Variants in PRKG1 observed in about 807,000 individuals in gnomAD.
PRKG1 encodes protein kinase cGMP-dependent 1.
PRKG1 carries 35 observed loss-of-function variants against 88.1 expected under a neutral mutation model. That is an observed-to-expected ratio of 0.40 (90% CI 0.30 to 0.53). The LOEUF (loss-of-function observed/expected upper bound fraction) is 0.53. Ranked by LOEUF, PRKG1 falls within the 20% of genes least tolerant of loss-of-function variation. PRKG1 has a pLI of 0.59. For synonymous variants in PRKG1, 303 were observed against 292.5 expected (o/e 1.04, Z -0.37); for missense variants, 540 against 839.8 (o/e 0.64, Z 4.41).
At position 51,402,407 on chromosome 10, in the gene PRKG1, A is replaced by G. The variant is rs79411847; in HGVS notation, c.479-65316A>G. ...CTCACATGTCTGTGGGAAACATGAAAAAGGGTCATTGCATTTACCCTCTGC... is the reference window on the plus strand; with the variant it reads ...CTCACATGTCTGTGGGAAACATGAAGAAGGGTCATTGCATTTACCCTCTGC... On this transcript the variant is annotated intron_variant, in intron 2 of 17. Transcript: ENST00000373980. Among the ~76,000 whole-genome samples the G allele has an allele frequency of 5.3e-5, 8 of 152,310 alleles. No individual in the cohort carries two copies. The East Asian group carries it at 1.4e-3, about 26-fold the overall frequency.
At chr10:51,032,926 G>A (rs575010050) in intron 1 of PRKG1, among the ~76,000 whole-genome samples, 2 of 152,054 alleles carry the variant, frequency 1.3e-5, no homozygotes, top group South Asian at 4.2e-4. Context: ...TTTGATACAG[G>A]TATGCAATGT....
intron 4 of PRKG1, among the ~76,000 whole-genome samples, chr10:51,837,782 A>G (rs1349627328): frequency 6.6e-6 from 1 of 152,174 alleles, no homozygotes; most frequent in African/African-American, 2.4e-5. Context: ...CCATAACCCA[A>G]TGCTTGGGCC....
At chr10:51,154,408 C>A (rs1405855363) in intron 2 of PRKG1, among the ~76,000 whole-genome samples, 1 of 151,846 alleles carries the variant, frequency 6.6e-6, no homozygotes, top group East Asian at 1.9e-4. Flanking sequence ...CTGCCCAGAA[C>A]AAAGATTTAT....
chr10:52,178,428 T>A (rs1838923817), intron 9 of PRKG1, among the ~76,000 whole-genome samples: 1 of 152,134 alleles, frequency 6.6e-6, no homozygotes, highest in Non-Finnish European at 1.5e-5. Flanking sequence ...TCATCTATCC[T>A]GGGGAATGTT....
chr10:51,156,324 C>CACACACACA (rs1564620908), intron 2 of PRKG1, among the ~76,000 whole-genome samples: 2 of 139,670 alleles, frequency 1.4e-5, no homozygotes, highest in Non-Finnish European at 3.3e-5. Context: ...AACACACACA[C>CACACACACA]CCGAATGTAA....
At chr10:51,631,095 A>C (rs1839514422) in intron 3 of PRKG1, among the ~76,000 whole-genome samples, 1 of 152,222 alleles carries the variant, frequency 6.6e-6, no homozygotes. Context: ...TGGAGAATGT[A>C]AATCACCTGT....
At chr10:51,725,490 C>T (rs1244976219) in intron 3 of PRKG1, among the ~76,000 whole-genome samples, 1 of 151,228 alleles carries the variant, frequency 6.6e-6, no homozygotes, top group African/African-American at 2.4e-5. Flanking sequence ...AAATTTGTGG[C>T]CTGTATATGA....
chr10:51,392,815 C>A (rs1257651110), intron 2 of PRKG1, among the ~76,000 whole-genome samples: 2 of 145,688 alleles, frequency 1.4e-5, no homozygotes, highest in Non-Finnish European at 3.1e-5. Flanking sequence ...GGGGGGCTGA[C>A]CCCCCACCTC....
At chr10:52,040,221 A>G (rs1845722473) in intron 5 of PRKG1, among the ~76,000 whole-genome samples, 1 of 152,154 alleles carries the variant, frequency 6.6e-6, no homozygotes, top group Admixed American at 6.5e-5. Flanking sequence ...TATAGGGTTC[A>G]TGAGAAACTG....
At chr10:52,213,733 G>A (rs139818370) in intron 9 of PRKG1, among the ~76,000 whole-genome samples, 1 of 152,214 alleles carries the variant, frequency 6.6e-6, no homozygotes, top group Non-Finnish European at 1.5e-5. Flanking sequence ...AAGAGAGGCA[G>A]TGGCTACTGT....
rs532927376 is a variant in PRKG1 at position 51,342,423 on chromosome 10, A to G, written c.479-125300A>G. On this transcript the variant is annotated intron_variant, in intron 2 of 17. Coordinates refer to ENST00000373980, the MANE Select transcript of PRKG1 (RefSeq NM_006258.4). ...CCACAGAAAGGACAAGATGTGATCA[A>G]ACTTTCTAAGAGACACAGAATTAAA... is the stretch of plus-strand genomic sequence containing the variant. 1.3e-3 allele frequency among the ~76,000 whole-genome samples: 196 copies of G among 152,330 alleles called. 1 individual carries two copies. Among genetic ancestry groups the G allele is most frequent in the African/African-American group, 4.6e-3 (193 of 41,556 alleles).
intron 2 of PRKG1, among the ~76,000 whole-genome samples, chr10:51,273,880 AG>A: frequency 6.6e-6 from 1 of 152,344 alleles, no homozygotes; most frequent in Non-Finnish European, 1.5e-5. Flanking sequence ...TATAAGCATT[AG>A]TTTCCTGAGT....
intron 2 of PRKG1, among the ~76,000 whole-genome samples, chr10:51,425,476 C>T (rs1838550925): frequency 6.6e-6 from 1 of 152,140 alleles, no homozygotes; most frequent in Non-Finnish European, 1.5e-5. Flanking sequence ...AGATTTTCTT[C>T]AGTTTTTTCA....
At chr10:51,791,804 G>A (rs906518569) in intron 3 of PRKG1, among the ~76,000 whole-genome samples, 18 of 152,138 alleles carry the variant, frequency 1.2e-4, no homozygotes, top group Admixed American at 1.3e-4. Flanking sequence ...TTTGAACTGA[G>A]CCTTTAGGGA....
intron 3 of PRKG1, among the ~76,000 whole-genome samples, chr10:51,799,739 C>G (rs1290651479): frequency 2.0e-5 from 3 of 152,024 alleles, no homozygotes; most frequent in African/African-American, 7.2e-5. Flanking sequence ...TAAGTACTAG[C>G]CCTGCCATTG....
chr10:51,588,124 A>G (rs929229695), intron 3 of PRKG1, among the ~76,000 whole-genome samples: 1 of 152,234 alleles, frequency 6.6e-6, no homozygotes, highest in African/African-American at 2.4e-5. Context: ...ATCAGAGATT[A>G]GAACATGCTC....
At chr10:52,284,215 A>G (rs1335903132) in intron 14 of PRKG1, among the ~76,000 whole-genome samples, 2 of 152,054 alleles carry the variant, frequency 1.3e-5, no homozygotes, top group Non-Finnish European at 2.9e-5. Flanking sequence ...GCATTTTTCT[A>G]AATAACCTCA....
chr10:51,942,022 G>A (rs992508132), intron 5 of PRKG1, among the ~76,000 whole-genome samples: 2 of 151,972 alleles, frequency 1.3e-5, no homozygotes, highest in African/African-American at 4.8e-5. Context: ...CTGAGGAATC[G>A]CCACACGGAC....
At chr10:51,743,128 A>T (rs1360950510) in intron 3 of PRKG1, among the ~76,000 whole-genome samples, 3 of 152,154 alleles carry the variant, frequency 2.0e-5, no homozygotes, top group South Asian at 4.2e-4. Flanking sequence ...GCACACACAG[A>T]CATTTGTAAT....
Sources: allele counts gnomAD v4.1 joint callset (sites outside exome capture counted in the v4.1 genomes callset), GRCh38; gene constraint gnomAD v4.1.1; transcripts MANE v1.5; gene names NCBI Gene and HGNC (gene_info 2026-07-23, HGNC 2026-07-21).